Variants in CDH12 observed in about 807,000 individuals in gnomAD.
The protein encoded by CDH12 is cadherin 12, also known as cadherin-12.
In CDH12, 41 loss-of-function variants were observed where a neutral mutation model predicts 74.1. The observed-to-expected ratio is 0.55, with a 90% CI of 0.43 to 0.72. The LOEUF (loss-of-function observed/expected upper bound fraction) is 0.72, where lower values mean the gene tolerates loss of function less well. CDH12 is among the 30% of genes least tolerant of loss of function. The pLI is 0.00. For synonymous variants in CDH12, 399 were observed against 355.0 expected (o/e 1.12, Z -1.39); for missense variants, 945 against 977.2 (o/e 0.97, Z 0.44).
chr5:21,782,665 T>C (rs1014753934), intron 11 of CDH12, among the ~76,000 whole-genome samples: 5 of 152,148 alleles, frequency 3.3e-5, no homozygotes, highest in African/African-American at 1.2e-4. Flanking sequence ...AGAACAATTA[T>C]CTCAAGAGCC....
intron 4 of CDH12, among the ~76,000 whole-genome samples, chr5:22,144,449 T>C (rs1282351439): frequency 6.6e-6 from 1 of 152,162 alleles, no homozygotes; most frequent in East Asian, 1.9e-4. Flanking sequence ...AATTTTGTCT[T>C]CAAGTGCAAT....
chr5:21,923,999 CAG>C (rs1357001717), intron 6 of CDH12, among the ~76,000 whole-genome samples: 1 of 152,144 alleles, frequency 6.6e-6, no homozygotes, highest in East Asian at 1.9e-4. Context: ...TGTGGATTGT[CAG>C]AGAAGAATTA....
intron 1 of CDH12, among the ~76,000 whole-genome samples, chr5:22,529,248 T>C (rs1221006283): frequency 6.7e-6 from 1 of 148,642 alleles, no homozygotes; most frequent in African/African-American, 2.5e-5. Flanking sequence ...AGATTTATTA[T>C]AAGAAGCTGG....
chr5:22,479,829 A>G (rs1017895618), intron 2 of CDH12, among the ~76,000 whole-genome samples: 1 of 152,176 alleles, frequency 6.6e-6, no homozygotes, highest in Non-Finnish European at 1.5e-5. Flanking sequence ...ATATGTCTTT[A>G]CTGGCCTGTA....
intron 5 of CDH12, among the ~76,000 whole-genome samples, chr5:22,074,156 C>T (rs1742142272): frequency 6.6e-6 from 1 of 152,062 alleles, no homozygotes; most frequent in Admixed American, 6.6e-5. Context: ...AGAAATAATG[C>T]TGCATATCTA....
intron 3 of CDH12, among the ~76,000 whole-genome samples, chr5:22,268,128 C>T (rs139344488): frequency 5.9e-4 from 90 of 151,970 alleles, no homozygotes; most frequent in African/African-American, 2.0e-3. Context: ...GGTGAAGGAA[C>T]GTGTGTTTGC....
At chr5:21,837,135 T>A (rs939840129) in intron 8 of CDH12, among the ~76,000 whole-genome samples, 4 of 152,010 alleles carry the variant, frequency 2.6e-5, no homozygotes, top group African/African-American at 4.8e-5. Flanking sequence ...ACTGCCATAA[T>A]GAGAGTTAAA....
intron 3 of CDH12, among the ~76,000 whole-genome samples, chr5:22,292,946 C>T (rs897163508): frequency 6.6e-5 from 10 of 152,152 alleles, no homozygotes; most frequent in African/African-American, 2.4e-4. Context: ...GGTAAACAAG[C>T]TTCCAGCCAT....
chr5:22,839,276 C>T (rs897333607), intron 1 of CDH12, among the ~76,000 whole-genome samples: 2 of 151,486 alleles, frequency 1.3e-5, no homozygotes, highest in African/African-American at 4.9e-5. Flanking sequence ...TCATAAACAT[C>T]ATTTACATGT....
chr5:22,019,297 T>C (rs900799812), intron 5 of CDH12, among the ~76,000 whole-genome samples: 11 of 152,300 alleles, frequency 7.2e-5, no homozygotes, highest in Admixed American at 3.3e-4. Context: ...ATACAGTATA[T>C]ACTTAAGAAT....
At chr5:21,898,401 T>A (rs1387627579) in intron 6 of CDH12, among the ~76,000 whole-genome samples, 1 of 151,890 alleles carries the variant, frequency 6.6e-6, no homozygotes, top group Non-Finnish European at 1.5e-5. Flanking sequence ...AAATTTCTTT[T>A]AAAAAATCTA....
intron 3 of CDH12, among the ~76,000 whole-genome samples, chr5:22,366,238 T>G (rs895050908): frequency 3.3e-5 from 5 of 152,148 alleles, no homozygotes; most frequent in African/African-American, 1.2e-4. Context: ...ATTAAAAGCG[T>G]GAACCATCAC....
At chr5:22,618,000 C>G (rs1021525663) in intron 1 of CDH12, among the ~76,000 whole-genome samples, 4 of 151,998 alleles carry the variant, frequency 2.6e-5, no homozygotes, top group African/African-American at 9.7e-5. Flanking sequence ...GCCCATTTGA[C>G]AGATGCAGAA....
intron 1 of CDH12, among the ~76,000 whole-genome samples, chr5:22,707,869 T>C (rs1224584328): frequency 6.6e-6 from 1 of 152,174 alleles, no homozygotes; most frequent in Non-Finnish European, 1.5e-5. Flanking sequence ...CTTATGTGTA[T>C]GGCAGGCACT....
At position 22,295,441 on chromosome 5, in the gene CDH12, G is replaced by A. The variant is rs185325725; in HGVS notation, c.-332-82798C>T. Reference sequence around the variant, plus strand: ...AATCTAAATTGCTATAACATTTTTTGGAAAAAAGCCTACAGTATATATTAA... The same window carrying A: ...AATCTAAATTGCTATAACATTTTTTAGAAAAAAGCCTACAGTATATATTAA... On this transcript the variant is annotated intron_variant, in intron 3 of 14. Transcript: ENST00000382254. 3.2e-4 allele frequency among the ~76,000 whole-genome samples: 48 copies of A among 151,744 alleles called. No individual in the cohort carries two copies. In the East Asian group the frequency reaches 9.3e-3, roughly 29 times the overall value.
intron 1 of CDH12, among the ~76,000 whole-genome samples, chr5:22,761,771 A>G (rs931664490): frequency 2.0e-5 from 3 of 152,188 alleles, no homozygotes; most frequent in Admixed American, 2.0e-4. Flanking sequence ...TGTTAAATTT[A>G]TGATTAATCT....
chr5:22,177,677 C>G (rs1215211796), intron 4 of CDH12, among the ~76,000 whole-genome samples: 4 of 152,004 alleles, frequency 2.6e-5, no homozygotes, highest in Non-Finnish European at 4.4e-5. Context: ...TCTAGAGCAA[C>G]CTCTCTCTGT....
chr5:22,126,669 C>A (rs553189818), intron 4 of CDH12, among the ~76,000 whole-genome samples: 3 of 152,164 alleles, frequency 2.0e-5, no homozygotes, highest in Non-Finnish European at 4.4e-5. Context: ...AGAATGCATC[C>A]TATTCACAAA....
intron 3 of CDH12, among the ~76,000 whole-genome samples, chr5:22,386,715 ATATTTTGTC>A (rs1306185743): frequency 4.6e-5 from 7 of 152,032 alleles, no homozygotes; most frequent in African/African-American, 1.4e-4. Context: ...TGAAAGATGA[ATATTTTGTC>A]TATTGTTCAT....
Sources: allele counts gnomAD v4.1 joint callset (sites outside exome capture counted in the v4.1 genomes callset), GRCh38; gene constraint gnomAD v4.1.1; transcripts MANE v1.5; gene names NCBI Gene and HGNC (gene_info 2026-07-23, HGNC 2026-07-21).